The following OPCML variants were observed in gnomAD, a reference collection of about 807,000 sequenced individuals.
OPCML encodes the protein opioid binding protein/cell adhesion molecule like, also known as opioid-binding protein/cell adhesion molecule.
Under a neutral mutation model 37.8 loss-of-function variants are expected in OPCML, and 13 were observed. That is an observed-to-expected ratio of 0.34 (90% CI 0.22 to 0.55). The LOEUF is 0.55. OPCML is among the 20% of genes least tolerant of loss of function. The probability of loss-of-function intolerance (pLI) is 0.91; values close to 1 mark genes in which losing one functional copy is unlikely to be tolerated. For missense variants in OPCML, 341 were observed against 435.6 expected (o/e 0.78, Z 1.93); for synonymous variants, 176 against 168.8 (o/e 1.04, Z -0.33).
intron 3 of OPCML, among the ~76,000 whole-genome samples, chr11:132,656,857 T>C (rs1006534402): frequency 6.6e-6 from 1 of 152,172 alleles, no homozygotes; most frequent in South Asian, 2.1e-4. Flanking sequence ...ACACAACGTA[T>C]TGATGAGAAC....
chr11:133,218,351 C>G (rs191685795), intron 1 of OPCML, among the ~76,000 whole-genome samples: 2 of 152,026 alleles, frequency 1.3e-5, no homozygotes, highest in South Asian at 4.2e-4. Flanking sequence ...CAAGGTTTGT[C>G]GATAGAAAAG....
At chr11:132,665,178 G>A (rs1942165055) in intron 2 of OPCML, among the ~76,000 whole-genome samples, 1 of 152,200 alleles carries the variant, frequency 6.6e-6, no homozygotes, top group Non-Finnish European at 1.5e-5. Context: ...CCTGCAACAT[G>A]AGGACATAGA....
intron 2 of OPCML, among the ~76,000 whole-genome samples, chr11:132,669,966 C>A (rs1297883051): frequency 6.6e-6 from 1 of 152,066 alleles, no homozygotes; most frequent in Non-Finnish European, 1.5e-5. Flanking sequence ...CAGAACAATT[C>A]TTGTTATTTA....
At chr11:132,762,997 CGTAG>C (rs1946316951) in intron 2 of OPCML, among the ~76,000 whole-genome samples, 2 of 152,090 alleles carry the variant, frequency 1.3e-5, no homozygotes, top group South Asian at 4.1e-4. Context: ...ATGGGAAAAG[CGTAG>C]TATCTGGGCC....
chr11:133,204,909 T>TATATATATACAC (rs1350609719), intron 1 of OPCML, among the ~76,000 whole-genome samples: 3 of 130,686 alleles, frequency 2.3e-5, no homozygotes, highest in Non-Finnish European at 4.8e-5. Context: ...TATATATATA[T>TATATATATACAC]ACATACACAT....
chr11:133,165,963 T>C (rs1184713654), intron 1 of OPCML, among the ~76,000 whole-genome samples: 1 of 152,238 alleles, frequency 6.6e-6, no homozygotes, highest in Non-Finnish European at 1.5e-5. Context: ...GCCTCGGTGA[T>C]GAAGACAATG....
intron 4 of OPCML, among the ~76,000 whole-genome samples, chr11:132,501,548 A>G (rs1021897001): frequency 6.6e-6 from 1 of 152,196 alleles, no homozygotes; most frequent in Non-Finnish European, 1.5e-5. Context: ...ATATCTGCCC[A>G]AGGAGCTGTA....
At chr11:132,434,418 T>A (rs1437644284) in intron 7 of OPCML, among the ~76,000 whole-genome samples, 1 of 152,190 alleles carries the variant, frequency 6.6e-6, no homozygotes, top group Non-Finnish European at 1.5e-5. Flanking sequence ...CCTCAGCGAC[T>A]GTGTAAGAGT....
At chr11:133,484,080 A>AGATAGATTGATT (rs1324054465) in intron 1 of OPCML, among the ~76,000 whole-genome samples, 2 of 128,204 alleles carry the variant, frequency 1.6e-5, no homozygotes, top group African/African-American at 7.6e-5. Flanking sequence ...ATAGATAGAT[A>AGATAGATTGATT]GATTCATAGA....
chr11:133,119,371 GC>G (rs34826459), intron 1 of OPCML, among the ~76,000 whole-genome samples: 13,763 of 151,896 alleles, frequency 0.091, 837 homozygotes, highest in African/African-American at 0.18. Flanking sequence ...TTTCAGAAGG[GC>G]CTTCTGTCCC....
In OPCML at chr11:132,925,281, T is replaced by G. The variant is rs1048273244; in HGVS notation, c.146+17645A>C. ...CATATCTGAGTCTTATGCTGATGTTTTCTCTGTCTCTTCGAACTCTGTTTT... is the reference window on the plus strand; with the variant it reads ...CATATCTGAGTCTTATGCTGATGTTGTCTCTGTCTCTTCGAACTCTGTTTT... On this transcript the variant is annotated intron_variant, in intron 2 of 7. Transcript: ENST00000524381. 5.3e-4 allele frequency among the ~76,000 whole-genome samples: 80 copies of G among 152,262 alleles called. 1 individual carries two copies. Among genetic ancestry groups the G allele is most frequent in the Non-Finnish European group, 5.9e-5 (4 of 68,052 alleles).
intron 1 of OPCML, among the ~76,000 whole-genome samples, chr11:133,509,412 G>A (rs1039082929): frequency 5.9e-5 from 9 of 152,170 alleles, no homozygotes; most frequent in Middle Eastern, 3.4e-3. Context: ...ATTCCACTTC[G>A]TGGCTACATA....
At chr11:132,849,483 G>A (rs1941699698) in intron 2 of OPCML, among the ~76,000 whole-genome samples, 1 of 152,188 alleles carries the variant, frequency 6.6e-6, no homozygotes, top group Non-Finnish European at 1.5e-5. Context: ...TGACCATAAA[G>A]AGGCAAAGAT....
intron 2 of OPCML, among the ~76,000 whole-genome samples, chr11:132,752,836 C>T (rs1421305696): frequency 6.6e-6 from 1 of 152,080 alleles, no homozygotes; most frequent in Non-Finnish European, 1.5e-5. Flanking sequence ...TGATAAGCGC[C>T]TGAGGAATTT....
intron 2 of OPCML, among the ~76,000 whole-genome samples, chr11:132,729,454 C>G (rs1945002009): frequency 6.6e-6 from 1 of 152,150 alleles, no homozygotes; most frequent in African/African-American, 2.4e-5. Flanking sequence ...CAAACTTGAG[C>G]ATAAGTCACA....
At chr11:133,319,790 T>A (rs1393663510) in intron 1 of OPCML, among the ~76,000 whole-genome samples, 2 of 152,170 alleles carry the variant, frequency 1.3e-5, no homozygotes, top group Non-Finnish European at 1.5e-5. Context: ...AGCTCAGGCT[T>A]ACAGCTGGCA....
At position 133,184,697 on chromosome 11, in the gene OPCML, C is replaced by T. The variant is rs1265081354; in HGVS notation, c.62-241687G>A. Among the ~76,000 whole-genome samples, 4 of 152,244 alleles carry T rather than the reference C, an allele frequency of 2.6e-5. No individual in the cohort carries two copies. The South Asian group carries it at 6.2e-4, about 24-fold the overall frequency. On this transcript the variant is annotated intron_variant, in intron 1 of 7. Transcript: ENST00000524381. ...TTCCGTTCAGTAGGACAGTAGATCT[C>T]GGTTACCAAATAGGGCAGCTATTCA...
chr11:132,963,466 C>A lies in OPCML; in HGVS notation c.62-20456G>T, dbSNP rs370739782. On this transcript the variant is annotated intron_variant, in intron 1 of 7. Transcript: ENST00000524381. ...AATTAGCCAGGTGTGGTGGAGCACT[C>A]CTGTAATCCCAGCTACTCAGGAGGC... Among the ~76,000 whole-genome samples the A allele has an allele frequency of 6.6e-5, 10 of 151,992 alleles. No homozygotes were observed. In the East Asian group the frequency reaches 1.8e-3, roughly 27 times the overall value.
At chr11:132,551,183 G>A (rs193076553) in intron 3 of OPCML, among the ~76,000 whole-genome samples, 1 of 152,270 alleles carries the variant, frequency 6.6e-6, no homozygotes, top group East Asian at 1.9e-4. Flanking sequence ...ACACTAAGAA[G>A]CTGTCTGTGC....
Sources: gnomAD v4.1 joint callset for allele counts (sites outside exome capture counted in the v4.1 genomes callset) on GRCh38, gnomAD v4.1.1 for gene constraint, MANE v1.5 for transcripts, NCBI Gene and HGNC (gene_info 2026-07-23, HGNC 2026-07-21) for gene names.